Variants in PATJ observed in about 807,000 individuals in gnomAD.
PATJ encodes the protein PATJ crumbs cell polarity complex component, also known as inaD-like protein.
Under a neutral mutation model 224.9 loss-of-function variants are expected in PATJ, and 190 were observed. The observed-to-expected ratio is 0.84, with a 90% CI of 0.75 to 0.95. PATJ has a LOEUF of 0.95. Ranked by LOEUF, PATJ falls within the 40% of genes least tolerant of loss-of-function variation. The pLI, the probability that PATJ is intolerant of heterozygous loss-of-function variation, is 0.00. For synonymous variants in PATJ, 769 were observed against 820.3 expected, an observed-to-expected ratio of 0.94 and a Z score of 1.07; for missense variants, 2,121 against 2,270.3, an observed-to-expected ratio of 0.93 and a Z score of 1.34.
intron 27 of PATJ, among the ~76,000 whole-genome samples, chr1:61,964,568 T>C (rs1681802523): frequency 1.3e-5 from 2 of 151,682 alleles, no homozygotes; most frequent in African/African-American, 4.8e-5. Context: ...ATGGGAGGAT[T>C]GCTTGAGGCC....
chr1:61,818,551 C>G lies in PATJ; in HGVS notation c.1684-4394C>G, dbSNP rs78174728. Among the ~76,000 whole-genome samples, 502 of 152,320 alleles carry G rather than the reference C, an allele frequency of 3.3e-3. 5 individuals are homozygous for G. The highest frequency in any genetic ancestry group is 4.5e-3 in the Non-Finnish European group (303 of 68,036). The stretch of plus-strand genomic sequence containing the variant: ...AAACAGTCCTGCTCCCGCAGAGAAG[C>G]TTGCAGCAATGTAACATGAAATCTT... On this transcript the variant is annotated intron_variant, in intron 14 of 43. Transcript: ENST00000642238.
chr1:62,147,069 G>C (rs79982107), intron 41 of PATJ, among the ~76,000 whole-genome samples: 3,144 of 152,232 alleles, frequency 0.021, 100 homozygotes, highest in African/African-American at 0.069. Context: ...TCCAGTGGGT[G>C]ACTGGATATA....
chr1:62,107,411 A>G (rs1168906762), intron 33 of PATJ, among the ~76,000 whole-genome samples: 2 of 152,182 alleles, frequency 1.3e-5, no homozygotes, highest in Non-Finnish European at 2.9e-5. Context: ...GAAAGAGCCA[A>G]TGACTTCTGG....
chr1:62,148,456 C>T, intron 42 of PATJ, 66 bp downstream of exon 42: 1 of 1,074,736 alleles, frequency 9.3e-7, no homozygotes, highest in South Asian at 1.2e-5. Flanking sequence ...CTTTTCCAGA[C>T]ACTCAAGTGC....
chr1:61,978,114 T>A (rs1302480770), intron 27 of PATJ, among the ~76,000 whole-genome samples: 1 of 151,804 alleles, frequency 6.6e-6, no homozygotes, highest in Admixed American at 6.6e-5. Flanking sequence ...TTTCTTATTT[T>A]CTCTATTTGT....
At chr1:61,945,681 T>C (rs1361289677) in intron 27 of PATJ, among the ~76,000 whole-genome samples, 1 of 152,058 alleles carries the variant, frequency 6.6e-6, no homozygotes, top group Non-Finnish European at 1.5e-5. Context: ...AACAAGGATA[T>C]CCAGGACTTG....
intron 28 of PATJ, among the ~76,000 whole-genome samples, chr1:62,014,562 CTTTTTTTTTTTT>C (rs35711547): frequency 8.3e-5 from 7 of 84,518 alleles, no homozygotes; most frequent in East Asian, 3.4e-4. Flanking sequence ...CTTTTCTTTC[CTTTTTTTTTTTT>C]TTTTTTTTTT....
chr1:62,153,044 A>AC (rs796365457), intron 42 of PATJ, among the ~76,000 whole-genome samples: 9 of 142,554 alleles, frequency 6.3e-5, no homozygotes, highest in African/African-American at 2.5e-4. Context: ...AAAAAGAAAA[A>AC]AAAAAGAGTT....
chr1:61,805,556 A>G (rs370055559), intron 13 of PATJ, 32 bp downstream of exon 13: 84 of 1,272,182 alleles, frequency 6.6e-5, no homozygotes, highest in Middle Eastern at 5.6e-4. Context: ...AAAAACATTC[A>G]TGTCTCATTT....
intron 26 of PATJ, among the ~76,000 whole-genome samples, chr1:61,914,987 G>A (rs534404277): frequency 6.6e-5 from 10 of 152,142 alleles, no homozygotes; most frequent in South Asian, 6.2e-4. Context: ...TGCTGCTCTC[G>A]CCTGGAAGTC....
At chr1:61,806,143 C>G (rs531953782) in intron 13 of PATJ, among the ~76,000 whole-genome samples, 3 of 152,172 alleles carry the variant, frequency 2.0e-5, no homozygotes, top group Non-Finnish European at 4.4e-5. Flanking sequence ...TGTGCTTAGA[C>G]AAGCCTCTAC....
intron 27 of PATJ, among the ~76,000 whole-genome samples, chr1:61,965,051 G>A (rs1010675552): frequency 7.1e-6 from 1 of 140,996 alleles, no homozygotes; most frequent in African/African-American, 2.6e-5. Flanking sequence ...GGTGGAGGCT[G>A]CAGTGACGTG....
chr1:62,013,897 C>T (rs543465094), intron 28 of PATJ, among the ~76,000 whole-genome samples: 13 of 152,218 alleles, frequency 8.5e-5, no homozygotes, highest in Admixed American at 7.8e-4. Flanking sequence ...CCTCAGCTTC[C>T]CAAGTAGCTG....
chr1:62,162,758 C>T lies in PATJ; in HGVS notation c.*1704C>T. The T allele has an allele frequency of 5.1e-6, 1 of 194,862 alleles. No individual in the cohort carries two copies. The highest frequency in any genetic ancestry group is 6.6e-5 in the South Asian group (1 of 15,252). 12.1% of individuals were successfully genotyped at this position (194,862 alleles called of 1,614,324 possible). A position where few individuals can be genotyped will look rare whatever the true frequency, so the allele number is the denominator to read the frequency against. On this transcript the variant is annotated 3_prime_UTR_variant, in exon 44 of 44. Transcript: ENST00000642238. ...GGTCAGGAGTTCGAGACCAGCCTGG[C>T]CAATATGGTGAAACCCTGTCTCTAC...
intron 22 of PATJ, among the ~76,000 whole-genome samples, chr1:61,896,020 C>G (rs1406341267): frequency 6.6e-6 from 1 of 152,086 alleles, no homozygotes; most frequent in African/African-American, 2.4e-5. Context: ...TGATTATGGC[C>G]AGGCGGTTGC....
intron 27 of PATJ, among the ~76,000 whole-genome samples, chr1:61,949,765 G>T (rs921314931): frequency 2.0e-5 from 3 of 152,002 alleles, no homozygotes; most frequent in African/African-American, 2.4e-5. Context: ...AATTAGTCAG[G>T]TATGGGGGCA....
At chr1:61,887,046 T>C (rs1010819006) in intron 22 of PATJ, among the ~76,000 whole-genome samples, 4 of 151,612 alleles carry the variant, frequency 2.6e-5, no homozygotes, top group African/African-American at 7.3e-5. Flanking sequence ...TGGGAAAATA[T>C]ATATATGTGT....
Position 61,867,566 on chromosome 1 carries a change from C to T in PATJ, c.2835+2933C>T, listed in dbSNP as rs1470563688. 5.6e-5 allele frequency among the ~76,000 whole-genome samples: 6 copies of T among 107,542 alleles called. No individual in the cohort carries two copies. The East Asian group carries it at 1.6e-3, about 29-fold the overall frequency. 70.6% of individuals were successfully genotyped at this position (107,542 alleles called of 152,430 possible). ...AGTTTACTTATTCATATTTTAAAAT[C>T]TGTAAAATTTTTTTTTTTTTTTTTT... is the stretch of plus-strand genomic sequence containing the variant. On this transcript the variant is annotated intron_variant, in intron 20 of 43. Coordinates refer to ENST00000642238, the MANE Select transcript of PATJ (RefSeq NM_001350145.3).
At chr1:61,932,654 C>T (rs370643778) in intron 27 of PATJ, among the ~76,000 whole-genome samples, 3 of 152,256 alleles carry the variant, frequency 2.0e-5, no homozygotes, top group African/African-American at 7.2e-5. Flanking sequence ...AATCCCAGCA[C>T]TTTGGGAGGC....
Sources: gnomAD v4.1 joint callset for allele counts (sites outside exome capture counted in the v4.1 genomes callset) on GRCh38, gnomAD v4.1.1 for gene constraint, MANE v1.5 for transcripts, NCBI Gene and HGNC (gene_info 2026-07-23, HGNC 2026-07-21) for gene names.